Variants in PKHD1 observed in about 807,000 individuals in gnomAD.
The protein encoded by PKHD1 is fibrocystin.
A neutral mutation model predicts 412.0 loss-of-function variants in PKHD1; 291 were observed. The observed-to-expected ratio is 0.71, with a 90% CI of 0.64 to 0.78. The LOEUF is 0.78. Among genes scored for constraint, PKHD1 ranks in the 30% least tolerant of loss-of-function variants. PKHD1 has a pLI of 0.00. For missense variants in PKHD1, 4,825 were observed against 4,950.7 expected, an observed-to-expected ratio of 0.97 and a Z score of 0.76; for synonymous variants, 1,777 against 1,821.5, an observed-to-expected ratio of 0.98 and a Z score of 0.62.
Position 51,890,015 on chromosome 6 carries a change from AT to A in PKHD1, c.6997-2771del, listed in dbSNP as rs56948841. On this transcript the variant is annotated intron_variant, in intron 43 of 66. Coordinates refer to ENST00000371117, the MANE Select transcript of PKHD1 (RefSeq NM_138694.4). ...TGGATTTTTTTTTTCCCTTAGAAGT[AT>A]TTTTTTTTTAAGTAATGATGAGTAG... Among the ~76,000 whole-genome samples the A allele has an allele frequency of 7.4e-3, 1,105 of 149,430 alleles. 10 individuals carry two copies. The highest frequency in any genetic ancestry group is 0.023 in the African/African-American group (936 of 40,822).
chr6:51,931,016 T>TCATGAGCAATAA (rs1786487335), intron 37 of PKHD1, among the ~76,000 whole-genome samples: 1 of 152,196 alleles, frequency 6.6e-6, no homozygotes, highest in Admixed American at 6.5e-5. Flanking sequence ...CTGGAACACT[T>TCATGAGCAATAA]CATGAGCAAT....
intron 52 of PKHD1, among the ~76,000 whole-genome samples, chr6:51,811,861 G>A (rs1236106870): frequency 6.6e-6 from 1 of 151,974 alleles, no homozygotes; most frequent in African/African-American, 2.4e-5. Flanking sequence ...AAAAAGAAAG[G>A]GCTAAATGGT....
chr6:51,823,392 T>C (rs561405641), intron 52 of PKHD1, among the ~76,000 whole-genome samples: 19 of 152,312 alleles, frequency 1.2e-4, no homozygotes, highest in Admixed American at 1.0e-3. Context: ...TCCATGATGC[T>C]AATGCTAATG....
chr6:51,657,927 A>G (rs1188319784), intron 61 of PKHD1, among the ~76,000 whole-genome samples: 5 of 152,136 alleles, frequency 3.3e-5, no homozygotes, highest in African/African-American at 7.2e-5. Flanking sequence ...TAAGCAATAA[A>G]CTGACTCTCT....
intron 35 of PKHD1, among the ~76,000 whole-genome samples, chr6:51,981,362 T>C (rs1463622836): frequency 6.0e-5 from 4 of 66,180 alleles, no homozygotes; most frequent in African/African-American, 1.1e-4. Context: ...CCTCTCCCTC[T>C]CCCTCTCCCT....
intron 33 of PKHD1, among the ~76,000 whole-genome samples, chr6:52,019,318 G>A (rs1451540703): frequency 6.6e-6 from 1 of 152,140 alleles, no homozygotes; most frequent in Non-Finnish European, 1.5e-5. Context: ...CGTGGGGGAG[G>A]GTTTGTAGTT....
chr6:51,873,898 T>G (rs1056713792), intron 46 of PKHD1, among the ~76,000 whole-genome samples: 1 of 151,812 alleles, frequency 6.6e-6, no homozygotes, highest in Admixed American at 6.6e-5. Context: ...GATTGCAAAT[T>G]GAAAGTGCAA....
chr6:51,929,409 C>G (rs1786225826), intron 37 of PKHD1, among the ~76,000 whole-genome samples: 1 of 152,142 alleles, frequency 6.6e-6, no homozygotes, highest in Admixed American at 6.5e-5. Context: ...AAATATATAA[C>G]AGATAAAAGC....
chr6:52,057,013 G>A (rs1254522917), intron 16 of PKHD1, 34 bp from the exon 17 acceptor site: 1 of 1,379,616 alleles, frequency 7.2e-7, no homozygotes, highest in Admixed American at 1.7e-5. Flanking sequence ...ACTAAATGAT[G>A]GTGCTAATTA....
chr6:51,807,485 A>ATATATATGTGTG (rs765667001), intron 52 of PKHD1, among the ~76,000 whole-genome samples: 8 of 111,768 alleles, frequency 7.2e-5, no homozygotes, highest in African/African-American at 2.7e-4. Flanking sequence ...ATATATGTAT[A>ATATATATGTGTG]TGTGTGTGTG....
At chr6:52,016,594 C>A (rs1397382538) in intron 34 of PKHD1, among the ~76,000 whole-genome samples, 3 of 147,298 alleles carry the variant, frequency 2.0e-5, no homozygotes, top group African/African-American at 5.0e-5. Flanking sequence ...CGAGATCATG[C>A]CATTGCACTC....
chr6:51,660,590 C>T (rs1352274784), intron 60 of PKHD1, among the ~76,000 whole-genome samples: 1 of 152,136 alleles, frequency 6.6e-6, no homozygotes, highest in East Asian at 1.9e-4. Context: ...AGGACTCCAT[C>T]CTTGAATTCA....
chr6:51,950,710 G>T (rs551580229), intron 36 of PKHD1, among the ~76,000 whole-genome samples: 1 of 152,154 alleles, frequency 6.6e-6, no homozygotes, highest in African/African-American at 2.4e-5. Flanking sequence ...CTAGGTGTCC[G>T]TAGGCTGGTG....
intron 52 of PKHD1, among the ~76,000 whole-genome samples, chr6:51,811,877 A>G (rs1764733758): frequency 6.6e-6 from 1 of 152,198 alleles, no homozygotes; most frequent in African/African-American, 2.4e-5. Flanking sequence ...ATGGTTCTTG[A>G]TATTTTGCTT....
chr6:51,921,659 C>T (rs1226699737), intron 37 of PKHD1, among the ~76,000 whole-genome samples: 1 of 152,142 alleles, frequency 6.6e-6, no homozygotes, highest in Non-Finnish European at 1.5e-5. Context: ...CTTCTCTTCT[C>T]ACTTCATATC....
chr6:51,741,199 A>G (rs139574826), intron 60 of PKHD1: 2 of 518,868 alleles, frequency 3.9e-6, no homozygotes, highest in Admixed American at 3.9e-5. Flanking sequence ...ACCACCTAAA[A>G]TGAACACTCT....
intron 35 of PKHD1, among the ~76,000 whole-genome samples, chr6:51,981,463 A>G (rs1285764696): frequency 5.3e-5 from 8 of 151,436 alleles, no homozygotes; most frequent in African/African-American, 1.7e-4. Flanking sequence ...CTCCTGCCTC[A>G]GCCTGCTACG....
In PKHD1 at chr6:51,619,498, C is replaced by T; in HGVS notation, c.11808G>A (p.Leu3936=). ...VGEDMRMKVM[L]GKVNQCPHQL... is the part of the protein sequence containing the mutation. ...GGTGGGGGCACTGGTTCACCTTGCCCAGCATGACCTTCATTCTCATATCTG... is the reference window on the plus strand; with the variant it reads ...GGTGGGGGCACTGGTTCACCTTGCCTAGCATGACCTTCATTCTCATATCTG... The change falls in exon 67 of 67, where the codon CTG becomes CTA. Residue 3936 remains leucine, a synonymous_variant. Transcript: ENST00000371117. 1 of 1,614,062 alleles carries T rather than the reference C, an allele frequency of 6.2e-7. No homozygotes were observed. Among genetic ancestry groups the T allele is most frequent in the Admixed American group, 1.7e-5 (1 of 60,028 alleles).
intron 35 of PKHD1, among the ~76,000 whole-genome samples, chr6:51,996,923 C>A (rs1035446774): frequency 2.6e-5 from 4 of 152,318 alleles, no homozygotes; most frequent in African/African-American, 9.6e-5. Flanking sequence ...CATATTTTTA[C>A]CCAGGTATTT....
Sources: allele counts gnomAD v4.1 joint callset (sites outside exome capture counted in the v4.1 genomes callset), GRCh38; gene constraint gnomAD v4.1.1; transcripts MANE v1.5; gene names NCBI Gene and HGNC (gene_info 2026-07-23, HGNC 2026-07-21).